The following CHL1 variants were observed in gnomAD, a reference collection of about 807,000 sequenced individuals.
CHL1 encodes the protein neural cell adhesion molecule L1-like protein.
Under a neutral mutation model 141.9 loss-of-function variants are expected in CHL1, and 96 were observed. The observed-to-expected ratio is 0.68, with a 90% CI of 0.57 to 0.80. The LOEUF (loss-of-function observed/expected upper bound fraction) is 0.80. Among genes scored for constraint, CHL1 ranks in the 30% least tolerant of loss-of-function variants. The pLI is 0.00. For missense variants in CHL1, 1,820 were observed against 1,457.2 expected (o/e 1.25, Z -4.05); for synonymous variants, 613 against 502.2 (o/e 1.22, Z -2.95).
At chr3:324,484 T>A (rs1700842222) in intron 3 of CHL1, among the ~76,000 whole-genome samples, 1 of 152,106 alleles carries the variant, frequency 6.6e-6, no homozygotes, top group Non-Finnish European at 1.5e-5. Context: ...TCATGATCTA[T>A]GTTTTATTTC....
intron 1 of CHL1, among the ~76,000 whole-genome samples, chr3:221,134 A>G (rs964610554): frequency 7.9e-5 from 12 of 152,164 alleles, no homozygotes; most frequent in Non-Finnish European, 1.3e-4. Flanking sequence ...GAATGAACCA[A>G]TGTACATGTT....
At chr3:350,354 C>G (rs533122349) in intron 10 of CHL1, among the ~76,000 whole-genome samples, 2 of 152,262 alleles carry the variant, frequency 1.3e-5, no homozygotes, top group Admixed American at 6.5e-5. Context: ...AGACTATTTT[C>G]TGTGGATCCA....
chr3:273,109 A>G (rs1559365226), intron 2 of CHL1, among the ~76,000 whole-genome samples: 1 of 152,194 alleles, frequency 6.6e-6, no homozygotes. Flanking sequence ...GAGCAGGTGT[A>G]AGACCCTAGG....
At chr3:342,192 G>A in intron 7 of CHL1, 110 bp downstream of exon 7, 3 of 926,430 alleles carry the variant, frequency 3.2e-6, no homozygotes, top group Non-Finnish European at 3.2e-6. Context: ...GCACCATTGT[G>A]CAGTTCAACT....
intron 2 of CHL1, among the ~76,000 whole-genome samples, chr3:307,207 G>A (rs1317505006): frequency 1.3e-5 from 2 of 152,316 alleles, no homozygotes; most frequent in Non-Finnish European, 2.9e-5. Flanking sequence ...GCTACCAGAT[G>A]CTATGTGGCA....
chr3:201,975 A>G (rs969673798), intron 1 of CHL1, among the ~76,000 whole-genome samples: 12 of 152,136 alleles, frequency 7.9e-5, no homozygotes, highest in African/African-American at 2.9e-4. Context: ...CCTTTTATGC[A>G]TCTCATAAAC....
chr3:255,118 T>C (rs2125159511), intron 2 of CHL1, among the ~76,000 whole-genome samples: 1 of 152,352 alleles, frequency 6.6e-6, no homozygotes, highest in South Asian at 2.1e-4. Flanking sequence ...CCTTTCAGAA[T>C]GTTATTCATA....
intron 1 of CHL1, among the ~76,000 whole-genome samples, chr3:205,790 T>G (rs5024851): frequency 0.13 from 20,113 of 152,226 alleles, 1,648 homozygotes; most frequent in East Asian, 0.4. Flanking sequence ...TAGCCACCAT[T>G]GATCATTTAT....
chr3:389,486 A>G lies in CHL1; in HGVS notation c.2470+12A>G. On this transcript the variant is annotated intron_variant, in intron 20 of 27. Coordinates refer to ENST00000256509, the MANE Select transcript of CHL1 (RefSeq NM_006614.4). ...TTCTGGAGAAGACTGTAAGTGATGC[A>G]CCTAAAACTGCTAAGCACGTCAGTA... 1 of 1,594,988 alleles carries G rather than the reference A, an allele frequency of 6.3e-7. No homozygotes were observed. The highest frequency in any genetic ancestry group is 8.6e-7 in the Non-Finnish European group (1 of 1,163,010).
intron 2 of CHL1, among the ~76,000 whole-genome samples, chr3:312,582 C>A (rs1387316153): frequency 6.6e-6 from 1 of 152,138 alleles, no homozygotes; most frequent in Non-Finnish European, 1.5e-5. Context: ...ATTTGCTGGA[C>A]CTCCTCCCCA....
At chr3:377,290 A>G (rs1003307230) in intron 15 of CHL1, among the ~76,000 whole-genome samples, 1 of 152,208 alleles carries the variant, frequency 6.6e-6, no homozygotes, top group Non-Finnish European at 1.5e-5. Flanking sequence ...TTCAATTGCT[A>G]TCTGATCTTA....
intron 2 of CHL1, among the ~76,000 whole-genome samples, chr3:276,634 A>C (rs12631268): frequency 0.56 from 85,650 of 151,798 alleles, 24,497 homozygotes; most frequent in East Asian, 0.77. Context: ...TCACACCTGT[A>C]ATCCCAGCAC....
chr3:317,641 C>T (rs1700242018), intron 2 of CHL1, among the ~76,000 whole-genome samples: 2 of 146,702 alleles, frequency 1.4e-5, no homozygotes, highest in South Asian at 4.2e-4. Flanking sequence ...ATGACTATTA[C>T]CAAACTGTTT....
intron 2 of CHL1, among the ~76,000 whole-genome samples, chr3:281,046 T>A (rs1022972653): frequency 2.6e-5 from 4 of 152,088 alleles, no homozygotes; most frequent in African/African-American, 9.7e-5. Flanking sequence ...TCTGACAATG[T>A]CTAGATACAT....
chr3:277,195 AT>A (rs200242498), intron 2 of CHL1, among the ~76,000 whole-genome samples: 11 of 152,182 alleles, frequency 7.2e-5, no homozygotes, highest in African/African-American at 1.7e-4. Flanking sequence ...ATGCTTATAG[AT>A]TTTTTTTAAA....
intron 2 of CHL1, among the ~76,000 whole-genome samples, chr3:294,216 G>A (rs761100032): frequency 6.6e-6 from 1 of 152,082 alleles, no homozygotes; most frequent in Non-Finnish European, 1.5e-5. Context: ...CTACTCAGGA[G>A]GGTGAGGTTG....
chr3:336,721 G>C (rs542351256), intron 5 of CHL1, among the ~76,000 whole-genome samples: 25 of 152,300 alleles, frequency 1.6e-4, no homozygotes, highest in African/African-American at 5.3e-4. Flanking sequence ...GTTTTCAGAA[G>C]TCTTCTTTAT....
At chr3:381,005 T>C (rs762195192) in intron 16 of CHL1, among the ~76,000 whole-genome samples, 6 of 152,186 alleles carry the variant, frequency 3.9e-5, no homozygotes, top group Non-Finnish European at 5.9e-5. Context: ...ATACATCATG[T>C]TTCCCAGACT....
chr3:405,531 G>T lies in CHL1; in HGVS notation c.3495G>T (p.Arg1165=). ...AAAAGCCTCTCAAAGGAAGCCTTCG[G>T]TCCCTTAATAGGGATATGCAGCCTA... The part of the protein sequence containing the change: ...SDEKPLKGSL[R]SLNRDMQPTE... Residue 1165 remains arginine (R), a synonymous_variant, in exon 28 of 28, where the codon CGG becomes CGT. Transcript: ENST00000256509. 6.2e-7 allele frequency: 1 copy of T among 1,613,042 alleles called. No homozygotes were observed. The highest frequency in any genetic ancestry group is 1.7e-5 in the Admixed American group (1 of 59,960).
Sources: gnomAD v4.1 joint callset for allele counts (sites outside exome capture counted in the v4.1 genomes callset) on GRCh38, gnomAD v4.1.1 for gene constraint, MANE v1.5 for transcripts, NCBI Gene and HGNC (gene_info 2026-07-23, HGNC 2026-07-21) for gene names.